The following TP53I11 variants were observed in gnomAD, a reference collection of about 807,000 sequenced individuals.
TP53I11 encodes the protein tumor protein p53 inducible protein 11, also known as tumor protein p53-inducible protein 11.
Under a neutral mutation model 23.3 loss-of-function variants are expected in TP53I11, and 9 were observed. That is an observed-to-expected ratio of 0.39 (90% CI 0.23 to 0.67). TP53I11 has a LOEUF of 0.67. TP53I11 is among the 30% of genes least tolerant of loss of function. TP53I11 has a pLI of 0.48. For missense variants in TP53I11, 170 were observed against 255.2 expected (o/e 0.67, Z 2.27); for synonymous variants, 100 against 106.1 (o/e 0.94, Z 0.35).
At position 44,945,778 on chromosome 11, in the gene TP53I11, G is replaced by A. The variant is rs564522798; in HGVS notation, c.-32+4899C>T. On this transcript the variant is annotated intron_variant, in intron 1 of 6. Transcript: ENST00000525680. ...GTGAGAGCCAGAGCCTCAGGCCCCCGGCCAGAGAGAAGGGGAGGCAGGAGA... is the reference window on the plus strand; with the variant it reads ...GTGAGAGCCAGAGCCTCAGGCCCCCAGCCAGAGAGAAGGGGAGGCAGGAGA... Among the ~76,000 whole-genome samples the A allele has an allele frequency of 8.4e-4, 128 of 152,300 alleles. 1 individual carries two copies. Among genetic ancestry groups the A allele is most frequent in the African/African-American group, 3.0e-3 (126 of 41,546 alleles).
chr11:44,935,191 T>A (rs138801483), intron 6 of TP53I11, among the ~76,000 whole-genome samples, 174 bp from the exon 7 acceptor site: 1 of 152,242 alleles, frequency 6.6e-6, no homozygotes, highest in Non-Finnish European at 1.5e-5. Flanking sequence ...CCCACAGATG[T>A]TTCTGCTCTG....
chr11:44,942,156 C>T (rs1441326090), intron 1 of TP53I11, among the ~76,000 whole-genome samples: 1 of 53,892 alleles, frequency 1.9e-5, no homozygotes, highest in African/African-American at 6.3e-5. Context: ...CACACACACC[C>T]ACCATACACA....
intron 1 of TP53I11, chr11:44,940,845 A>G (rs894691839): frequency 1.3e-4 from 20 of 152,332 alleles, no homozygotes; most frequent in African/African-American, 4.3e-4. Context: ...CAGCCATGCC[A>G]CTGCGTGTCC....
At position 44,935,029 on chromosome 11, in the gene TP53I11, A is replaced by C. The variant is rs1283154163; in HGVS notation, c.437-12T>G. Reference sequence around the variant, plus strand: ...CGTGGCAGTGACCACTGTGGGAGAGAGTCCAGCAAGGCCACAGGGTCAGAG... The same window carrying C: ...CGTGGCAGTGACCACTGTGGGAGAGCGTCCAGCAAGGCCACAGGGTCAGAG... On this transcript the variant is annotated splice_polypyrimidine_tract_variant and intron_variant, in intron 6 of 6. Coordinates refer to ENST00000525680, the MANE Select transcript of TP53I11 (RefSeq NM_006034.5). 1 of 1,613,052 alleles carries C rather than the reference A, an allele frequency of 6.2e-7. No homozygotes were observed. Among genetic ancestry groups the C allele is most frequent in the African/African-American group, 1.3e-5 (1 of 75,052 alleles).
At chr11:44,945,608 T>A (rs2135501110) in intron 1 of TP53I11, among the ~76,000 whole-genome samples, 1 of 151,970 alleles carries the variant, frequency 6.6e-6, no homozygotes, top group East Asian at 1.9e-4. Context: ...GGGTCCAGCC[T>A]CCCTTGGGTT....
Position 44,935,628 on chromosome 11 carries a change from C to A in TP53I11, c.369G>T (p.Thr123=). 2 of 1,422,698 alleles carry A rather than the reference C, an allele frequency of 1.4e-6. No homozygotes were observed. The highest frequency in any genetic ancestry group is 1.9e-6 in the Non-Finnish European group (2 of 1,060,562). The allele number at this position is 1,422,698 out of a possible 1,614,324, so 88.1% of individuals were successfully genotyped here. ...ISLIMWNALY[T]AEKVIIRWTL... is the part of the protein sequence containing the mutation. ...TCCATCGAATGATGACCTTCTCAGC[C>A]GTGTAGAGAGCGTTCCACATGATCA... is the stretch of plus-strand genomic sequence containing the variant. The change falls in exon 6 of 7, where the codon ACG becomes ACT. Residue 123 remains threonine (T), a synonymous_variant. Transcript: ENST00000525680.
At chr11:44,949,634 CCCGCCCCGCCCAG>C (rs1034926284) in intron 1 of TP53I11, among the ~76,000 whole-genome samples, 1 of 152,054 alleles carries the variant, frequency 6.6e-6, no homozygotes, top group African/African-American at 2.4e-5. Flanking sequence ...AGCGCCCCGC[CCCGCCCCGCCCAG>C]CGGGGCGCGC....
chr11:44,937,723 G>T (rs1479864374), intron 2 of TP53I11, 110 bp from the exon 3 acceptor site: 4 of 1,191,782 alleles, frequency 3.4e-6, no homozygotes, highest in African/African-American at 1.5e-5. Context: ...GGGCACCTCA[G>T]CTTGGCCAAA....
At chr11:44,939,680 A>G (rs1179367371) in intron 1 of TP53I11, among the ~76,000 whole-genome samples, 2 of 152,254 alleles carry the variant, frequency 1.3e-5, no homozygotes, top group Non-Finnish European at 2.9e-5. Flanking sequence ...TCTGTGAATA[A>G]TGTGGCTGTA....
At chr11:44,943,108 C>T (rs1590783227) in intron 1 of TP53I11, 1 of 152,270 alleles carries the variant, frequency 6.6e-6, no homozygotes, top group East Asian at 1.9e-4. Flanking sequence ...CTCTCCTAGC[C>T]TCAGTTTCCC....
chr11:44,938,185 A>T (rs939840751), intron 2 of TP53I11, 22 bp downstream of exon 2: 12 of 1,604,740 alleles, frequency 7.5e-6, no homozygotes, highest in Non-Finnish European at 1.0e-5. Context: ...TGGGTGCCGG[A>T]GGCCCCTGCT....
At chr11:44,951,150 C>G (rs1862922656), upstream of TP53I11, 1 of 152,298 alleles carries the variant, frequency 6.6e-6, no homozygotes, top group Admixed American at 6.5e-5. Flanking sequence ...GATGACTTTC[C>G]TGGCAAGTTC....
chr11:44,937,140 C>T, intron 4 of TP53I11, 164 bp downstream of exon 4: 1 of 888,760 alleles, frequency 1.1e-6, no homozygotes, highest in Non-Finnish European at 1.8e-6. Flanking sequence ...GGAGAAGGCA[C>T]AGGCGTGGCA....
At chr11:44,948,663 A>C (rs1862618481) in intron 1 of TP53I11, among the ~76,000 whole-genome samples, 1 of 152,044 alleles carries the variant, frequency 6.6e-6, no homozygotes, top group South Asian at 2.1e-4. Flanking sequence ...CCAGTGCCTG[A>C]AACTGTCCCT....
chr11:44,936,886 G>A lies in TP53I11; in HGVS notation c.251C>T (p.Pro84Leu), dbSNP rs1238888188. Residue 84 changes from proline (P) to leucine (L), a missense_variant, in exon 5 of 7, where the codon CCT (proline) becomes CTT (leucine). Transcript: ENST00000525680. The surrounding 1 kb of genome is among the most constrained non-coding windows in gnomAD (Gnocchi z 4.4). Reference protein sequence around the residue: ...SGIAIMALAFPDQLYDAVFDG... With the variant: ...SGIAIMALAFLDQLYDAVFDG... Reference sequence around the variant, plus strand: ...AAAGACCGCATCATAGAGCTGGTCAGGGAAGGCAAGCGCCTGCGGGCAGCG... The same window carrying A: ...AAAGACCGCATCATAGAGCTGGTCAAGGAAGGCAAGCGCCTGCGGGCAGCG... The A allele has an allele frequency of 1.2e-6, 2 of 1,607,062 alleles. No homozygotes were observed.
In TP53I11 at chr11:44,932,958, T is replaced by G. The variant is rs906439878; in HGVS notation, c.*1926A>C. On this transcript the variant is annotated 3_prime_UTR_variant, in exon 7 of 7. Coordinates refer to ENST00000525680, the MANE Select transcript of TP53I11 (RefSeq NM_006034.5). ...AAACCAACCATCACTATTAGAGGAT[T>G]AGGCCTGGCTCAGATGGGGGATTGA... 1 of 152,240 alleles carries G rather than the reference T, an allele frequency of 6.6e-6. No homozygotes were observed. Among genetic ancestry groups the G allele is most frequent in the African/African-American group, 2.4e-5 (1 of 41,448 alleles). The allele number at this position is 152,240 out of a possible 1,614,324, so 9.4% of individuals were successfully genotyped here. A position where few individuals can be genotyped will look rare whatever the true frequency, so the allele number is the denominator to read the frequency against.
rs149894631 is a variant in TP53I11, at chr11:44,936,150, A to G, written c.335-488T>C. The G allele has an allele frequency of 1.4e-4, 125 of 915,592 alleles. No individual in the cohort carries two copies. In the African/African-American group the frequency reaches 1.9e-3, roughly 14 times the overall value. The allele number at this position is 915,592 out of a possible 1,614,324, so 56.7% of individuals were successfully genotyped here. On this transcript the variant is annotated intron_variant, in intron 5 of 6. Coordinates refer to ENST00000525680, the MANE Select transcript of TP53I11 (RefSeq NM_006034.5). This position sits in a 1 kb window ranked among gnomAD's most constrained non-coding sequence, Gnocchi z 4.4. ...AGGGGGATGAACCATACTTTTTAGCAGAAGACCACTGACTTGGCCTCTAGC... is the reference window on the plus strand; with the variant it reads ...AGGGGGATGAACCATACTTTTTAGCGGAAGACCACTGACTTGGCCTCTAGC...
intron 1 of TP53I11, chr11:44,947,164 T>C (rs1157541551): frequency 6.6e-6 from 3 of 454,992 alleles, no homozygotes; most frequent in Non-Finnish European, 1.3e-5. Context: ...ATGGCCTCCA[T>C]CACCGCTCAG....
At chr11:44,944,897 T>C (rs537132994) in intron 1 of TP53I11, among the ~76,000 whole-genome samples, 3 of 152,310 alleles carry the variant, frequency 2.0e-5, no homozygotes, top group Admixed American at 6.5e-5. Flanking sequence ...GTCATTCCCA[T>C]GCAGATCCTG....
Sources: gnomAD v4.1 joint callset for allele counts (sites outside exome capture counted in the v4.1 genomes callset) on GRCh38, gnomAD v4.1.1 for gene constraint, Gnocchi (gnomAD v3.1) non-coding constraint, MANE v1.5 for transcripts, NCBI Gene and HGNC (gene_info 2026-07-23, HGNC 2026-07-21) for gene names.